Variants in KIF16B observed in about 807,000 individuals in gnomAD.
The protein encoded by KIF16B is kinesin-like protein KIF16B.
A neutral mutation model predicts 156.3 loss-of-function variants in KIF16B; 98 were observed. The ratio of observed to expected loss-of-function variants is 0.63; its 90% CI spans 0.53 to 0.74. KIF16B has a LOEUF of 0.74. Ranked by LOEUF, KIF16B falls within the 30% of genes least tolerant of loss-of-function variation. The probability of loss-of-function intolerance (pLI) is 0.00; values close to 1 mark genes in which losing one functional copy is unlikely to be tolerated. For missense variants in KIF16B, 1,421 were observed against 1,606.5 expected (o/e 0.88, Z 1.97); for synonymous variants, 564 against 583.7 (o/e 0.97, Z 0.49).
At chr20:16,528,710 A>T (rs750770985) in intron 1 of KIF16B, among the ~76,000 whole-genome samples, 3 of 152,172 alleles carry the variant, frequency 2.0e-5, no homozygotes, top group Non-Finnish European at 4.4e-5. Flanking sequence ...AAGAAGAGTA[A>T]ATGAAATAAC....
intron 12 of KIF16B, among the ~76,000 whole-genome samples, chr20:16,466,635 G>GC (rs1374144139): frequency 1.3e-5 from 2 of 152,198 alleles, no homozygotes; most frequent in African/African-American, 4.8e-5. Context: ...GGCCTCCCCA[G>GC]CCACGTGGAA....
chr20:16,289,733 C>T (rs186428872), intron 25 of KIF16B, among the ~76,000 whole-genome samples: 7 of 152,192 alleles, frequency 4.6e-5, no homozygotes, highest in Admixed American at 1.3e-4. Context: ...CCCAGCTACT[C>T]GGGAGGCTGA....
At chr20:16,353,722 T>A (rs2064383188) in intron 23 of KIF16B, among the ~76,000 whole-genome samples, 1 of 152,170 alleles carries the variant, frequency 6.6e-6, no homozygotes, top group Admixed American at 6.5e-5. Context: ...TTTGCCTGGA[T>A]CGAGGCTGTT....
intron 22 of KIF16B, 103 bp downstream of exon 22, chr20:16,370,483 G>A: frequency 3.4e-6 from 3 of 871,474 alleles, no homozygotes; most frequent in Non-Finnish European, 5.1e-6. Flanking sequence ...ATCTTGCCGG[G>A]ACCTCAAAAT....
At chr20:16,415,854 C>T (rs373965593) in intron 15 of KIF16B, among the ~76,000 whole-genome samples, 1 of 152,266 alleles carries the variant, frequency 6.6e-6, no homozygotes, top group Middle Eastern at 3.4e-3. Flanking sequence ...AACAAGCACA[C>T]TCCACCCTGT....
At chr20:16,542,844 A>T (rs1170819814) in intron 1 of KIF16B, among the ~76,000 whole-genome samples, 1 of 152,226 alleles carries the variant, frequency 6.6e-6, no homozygotes, top group African/African-American at 2.4e-5. Context: ...TTTTGTGTAC[A>T]GGGGAGTGGC....
intron 22 of KIF16B, chr20:16,368,569 T>C (rs1815951260): frequency 1.0e-6 from 1 of 985,956 alleles, no homozygotes; most frequent in Non-Finnish European, 1.2e-6. Flanking sequence ...GGTATCTTTA[T>C]AAAGGTCTGA....
intron 22 of KIF16B, chr20:16,367,948 A>G: frequency 1.4e-6 from 2 of 1,445,126 alleles, no homozygotes; most frequent in Non-Finnish European, 1.8e-6. Context: ...AGAGAGAGGT[A>G]GAGCATGAAA....
intron 25 of KIF16B, among the ~76,000 whole-genome samples, chr20:16,285,723 G>A (rs930974159): frequency 1.3e-5 from 2 of 152,240 alleles, no homozygotes; most frequent in East Asian, 3.9e-4. Context: ...AGGCTGAGGT[G>A]GGAGGATCAC....
chr20:16,280,846 G>GTA (rs1244999546), intron 25 of KIF16B, among the ~76,000 whole-genome samples: 3 of 151,626 alleles, frequency 2.0e-5, no homozygotes, highest in Non-Finnish European at 2.9e-5. Flanking sequence ...GCGCACGTGT[G>GTA]TGTGTGTGTG....
intron 1 of KIF16B, among the ~76,000 whole-genome samples, chr20:16,536,329 GGCTGGA>G (rs1187826193): frequency 6.6e-6 from 1 of 152,056 alleles, no homozygotes; most frequent in Non-Finnish European, 1.5e-5. Context: ...AGATATCAGA[GGCTGGA>G]ATGGGTGTAC....
chr20:16,424,087 C>T (rs559700187), intron 15 of KIF16B, among the ~76,000 whole-genome samples: 5 of 152,098 alleles, frequency 3.3e-5, no homozygotes, highest in Non-Finnish European at 5.9e-5. Context: ...CCTTGTCCCA[C>T]TGCAAAAAAG....
At chr20:16,372,712 T>C (rs919150145) in intron 20 of KIF16B, among the ~76,000 whole-genome samples, 1 of 152,220 alleles carries the variant, frequency 6.6e-6, no homozygotes, top group Non-Finnish European at 1.5e-5. Flanking sequence ...TATTATTATT[T>C]TTGAGACAGA....
At chr20:16,461,536 T>C (rs1242762111) in intron 12 of KIF16B, among the ~76,000 whole-genome samples, 1 of 152,166 alleles carries the variant, frequency 6.6e-6, no homozygotes, top group Non-Finnish European at 1.5e-5. Flanking sequence ...AATTTATACA[T>C]TAAAAAACAG....
chr20:16,551,887 C>G (rs1404052871), intron 1 of KIF16B, among the ~76,000 whole-genome samples: 1 of 152,126 alleles, frequency 6.6e-6, no homozygotes, highest in Non-Finnish European at 1.5e-5. Context: ...CAAGTTGCAC[C>G]TGGTGGGACA....
At chr20:16,509,873 G>GT (rs1191671480) in intron 6 of KIF16B, among the ~76,000 whole-genome samples, 1 of 152,072 alleles carries the variant, frequency 6.6e-6, no homozygotes, top group African/African-American at 2.4e-5. Context: ...TAGTTTCTGA[G>GT]TTTTAAGTCA....
intron 1 of KIF16B, among the ~76,000 whole-genome samples, chr20:16,557,088 C>CTA (rs1186976154): frequency 1.3e-5 from 2 of 148,804 alleles, no homozygotes; most frequent in African/African-American, 4.9e-5. Flanking sequence ...CTCATTAATA[C>CTA]TATATATAGT....
At chr20:16,284,101 C>T (rs2063186848) in intron 25 of KIF16B, among the ~76,000 whole-genome samples, 1 of 152,224 alleles carries the variant, frequency 6.6e-6, no homozygotes, top group African/African-American at 2.4e-5. Flanking sequence ...AGAGAGGGCT[C>T]GCATGCTTGA....
chr20:16,544,745 T>C (rs1425671136), intron 1 of KIF16B, among the ~76,000 whole-genome samples: 3 of 151,714 alleles, frequency 2.0e-5, no homozygotes, highest in African/African-American at 7.3e-5. Flanking sequence ...TGGGCTACTA[T>C]ACATTTGTCT....
Sources: allele counts gnomAD v4.1 joint callset (sites outside exome capture counted in the v4.1 genomes callset), GRCh38; gene constraint gnomAD v4.1.1; transcripts MANE v1.5; gene names NCBI Gene and HGNC (gene_info 2026-07-23, HGNC 2026-07-21).